Variants in ZNF141 observed in about 807,000 individuals in gnomAD.
The protein encoded by ZNF141 is zinc finger protein 141, also known as zinc finger protein 141 (clone pHZ-44).
ZNF141 carries 7 observed loss-of-function variants against 11.3 expected under a neutral mutation model. That is an observed-to-expected ratio of 0.62 (90% CI 0.35 to 1.16). ZNF141 has a LOEUF of 1.16. Among genes scored for constraint, ZNF141 ranks in the 50% most tolerant of loss-of-function variants. ZNF141 has a pLI of 0.02. For missense variants in ZNF141, 535 were observed against 554.0 expected, an observed-to-expected ratio of 0.97 and a Z score of 0.34; for synonymous variants, 183 against 190.7, an observed-to-expected ratio of 0.96 and a Z score of 0.33.
intron 3 of ZNF141, among the ~76,000 whole-genome samples, chr4:349,308 T>C (rs1553850084): frequency 1.3e-5 from 2 of 152,214 alleles, no homozygotes; most frequent in African/African-American, 4.8e-5. Context: ...ATGTTGATTA[T>C]GTATCCTGAT....
At chr4:351,686 G>C (rs57731643) in intron 3 of ZNF141, among the ~76,000 whole-genome samples, 22,053 of 152,050 alleles carry the variant, frequency 0.15, 2,204 homozygotes, top group African/African-American at 0.28. Context: ...CCTTGACTGG[G>C]AATCCGAGAC....
intron 3 of ZNF141, among the ~76,000 whole-genome samples, chr4:353,829 T>A (rs1263474656): frequency 6.6e-6 from 1 of 152,140 alleles, no homozygotes; most frequent in African/African-American, 2.4e-5. Flanking sequence ...GTCTCCTCCA[T>A]AGGGGACTGA....
chr4:352,440 C>G (rs1560186524), intron 3 of ZNF141, among the ~76,000 whole-genome samples: 2 of 152,068 alleles, frequency 1.3e-5, no homozygotes, highest in East Asian at 3.9e-4. Context: ...ATGGCAAAAT[C>G]AGATTCAGGA....
In ZNF141 at chr4:379,308, G is replaced by A. The variant is rs1553855118; in HGVS notation, c.*5446G>A. Among the ~76,000 whole-genome samples, 1 of 152,138 alleles carries A rather than the reference G, an allele frequency of 6.6e-6. No individual in the cohort carries two copies. The highest frequency in any genetic ancestry group is 1.5e-5 in the Non-Finnish European group (1 of 68,018). On this transcript the variant is annotated 3_prime_UTR_variant, in exon 4 of 4. Transcript: ENST00000240499. ...AAAAGTAAGAGCTCTAGAGTGTATT[G>A]TCTTGTATTATATATTGTTCTGGGT...
At chr4:371,465 C>T (rs1354226811) in intron 3 of ZNF141, among the ~76,000 whole-genome samples, 3 of 151,806 alleles carry the variant, frequency 2.0e-5, no homozygotes, top group African/African-American at 4.8e-5. Context: ...CTCTTGACCT[C>T]GTGATCTGCC....
rs191662232 is a variant in ZNF141 at position 349,240 on chromosome 4, C to T, written c.226+4810C>T. Among the ~76,000 whole-genome samples, 203 of 151,856 alleles carry T rather than the reference C, an allele frequency of 1.3e-3. 1 individual carries two copies. The highest frequency in any genetic ancestry group is 5.4e-3 in the South Asian group (26 of 4,810). On this transcript the variant is annotated intron_variant, in intron 3 of 3. Coordinates refer to ENST00000240499, the MANE Select transcript of ZNF141 (RefSeq NM_003441.4). ...TGTGAGTACAGGAGTTTGAGATAAGCCTGGGCAATAGAGTGAGGCCCTGTC... is the reference window on the plus strand; with the variant it reads ...TGTGAGTACAGGAGTTTGAGATAAGTCTGGGCAATAGAGTGAGGCCCTGTC...
At chr4:352,709 C>T (rs1358331692) in intron 3 of ZNF141, among the ~76,000 whole-genome samples, 1 of 152,196 alleles carries the variant, frequency 6.6e-6, no homozygotes, top group Non-Finnish European at 1.5e-5. Context: ...CTACCCACCT[C>T]ATCTTTTCCC....
chr4:362,196 A>G (rs911651504), intron 3 of ZNF141, among the ~76,000 whole-genome samples: 2 of 152,126 alleles, frequency 1.3e-5, no homozygotes, highest in South Asian at 2.1e-4. Context: ...GTGTCTGTTC[A>G]TATCCTTTGC....
chr4:376,757 A>G lies in ZNF141; in HGVS notation c.*2895A>G, dbSNP rs1712391853. Among the ~76,000 whole-genome samples, 1 of 152,100 alleles carries G rather than the reference A, an allele frequency of 6.6e-6. No homozygotes were observed. The highest frequency in any genetic ancestry group is 1.5e-5 in the Non-Finnish European group (1 of 67,960). ...TTTCCAAAGAAAATAGCAATATTAG[A>G]ACAAAGAAGATTATGTTAATACCAT... On this transcript the variant is annotated 3_prime_UTR_variant, in exon 4 of 4. Coordinates refer to ENST00000240499, the MANE Select transcript of ZNF141 (RefSeq NM_003441.4).
chr4:364,119 C>T (rs1393121061), intron 3 of ZNF141, among the ~76,000 whole-genome samples: 6 of 152,050 alleles, frequency 3.9e-5, no homozygotes, highest in African/African-American at 4.8e-5. Flanking sequence ...ATTTTCACAT[C>T]GATGTTCCTC....
chr4:372,069 G>A (rs2108653119), intron 3 of ZNF141, among the ~76,000 whole-genome samples: 1 of 152,282 alleles, frequency 6.6e-6, no homozygotes, highest in South Asian at 2.1e-4. Flanking sequence ...TTATTTTTCA[G>A]TTAAAAGGGT....
chr4:368,668 A>G (rs1455596896), intron 3 of ZNF141, among the ~76,000 whole-genome samples: 6 of 152,154 alleles, frequency 3.9e-5, no homozygotes, highest in African/African-American at 1.2e-4. Flanking sequence ...TGAGTGTCCA[A>G]ATTACTCTTT....
intron 1 of ZNF141, among the ~76,000 whole-genome samples, chr4:341,945 A>G (rs782223894): frequency 6.6e-6 from 1 of 152,338 alleles, no homozygotes; most frequent in Non-Finnish European, 1.5e-5. Flanking sequence ...CTGCAGTTTC[A>G]GTGGCTTTTT....
chr4:343,414 C>G (rs1553848821), intron 1 of ZNF141, among the ~76,000 whole-genome samples: 1 of 152,160 alleles, frequency 6.6e-6, no homozygotes, highest in Non-Finnish European at 1.5e-5. Context: ...CTCATTTCAC[C>G]TGTAGTCAAA....
At chr4:352,007 A>G (rs1721627049) in intron 3 of ZNF141, among the ~76,000 whole-genome samples, 1 of 152,174 alleles carries the variant, frequency 6.6e-6, no homozygotes, top group African/African-American at 2.4e-5. Context: ...TGCAGTGGGG[A>G]AAGCATCAAG....
chr4:356,811 T>G (rs1179201871), intron 3 of ZNF141, among the ~76,000 whole-genome samples: 1 of 152,226 alleles, frequency 6.6e-6, no homozygotes, highest in Non-Finnish European at 1.5e-5. Flanking sequence ...TTTAATTCCT[T>G]CATGCTGTCA....
rs539999572 is a variant in ZNF141 at position 384,166 on chromosome 4, C to T, written c.*10304C>T. On this transcript the variant is annotated 3_prime_UTR_variant, in exon 4 of 4. Transcript: ENST00000240499. ...AGAAAAACACACAGTTCCAGCCTGG[C>T]AATTAGGTCCAAAGATAAATAGCAA... is the stretch of plus-strand genomic sequence containing the variant. 6.6e-6 allele frequency: 1 copy of T among 152,338 alleles called. No individual in the cohort carries two copies. The highest frequency in any genetic ancestry group is 1.9e-4 in the East Asian group (1 of 5,182). The allele number at this position is 152,338 out of a possible 1,614,324, so 9.4% of individuals were successfully genotyped here.
chr4:350,593 C>T (rs1242743846), intron 3 of ZNF141, among the ~76,000 whole-genome samples: 1 of 152,132 alleles, frequency 6.6e-6, no homozygotes, highest in Non-Finnish European at 1.5e-5. Context: ...CCATTCAAAT[C>T]TCATGTCAAA....
In ZNF141 at chr4:343,987, C is replaced by T. The variant is rs1194933437; in HGVS notation, c.130+79C>T. 43 of 1,538,306 alleles carry T rather than the reference C, an allele frequency of 2.8e-5. No individual in the cohort carries two copies. In the African/African-American group the frequency reaches 4.8e-4, roughly 17 times the overall value. On this transcript the variant is annotated intron_variant, in intron 2 of 3. Coordinates refer to ENST00000240499, the MANE Select transcript of ZNF141 (RefSeq NM_003441.4). ...TCCTTTGAAGAATTTCTCCTGGGAA[C>T]TTTTATGTTTTATCTTTACATAAAC... is the stretch of plus-strand genomic sequence containing the variant.
Sources: gnomAD v4.1 joint callset for allele counts (sites outside exome capture counted in the v4.1 genomes callset) on GRCh38, gnomAD v4.1.1 for gene constraint, MANE v1.5 for transcripts, NCBI Gene and HGNC (gene_info 2026-07-23, HGNC 2026-07-21) for gene names.